RCOR2: variants seen among roughly 807,000 people sequenced by gnomAD.
RCOR2 encodes REST corepressor 2.
Under a neutral mutation model 58.9 loss-of-function variants are expected in RCOR2, and 19 were observed. The ratio of observed to expected loss-of-function variants is 0.32; its 90% confidence interval spans 0.23 to 0.47. The LOEUF (loss-of-function observed/expected upper bound fraction) is 0.47. RCOR2 is among the 20% of genes least tolerant of loss of function. RCOR2 has a pLI of 1.00. For missense variants in RCOR2, 590 were observed against 707.9 expected (o/e 0.83, Z 1.89); for synonymous variants, 286 against 278.7 (o/e 1.03, Z -0.26).
At position 63,915,583 on chromosome 11, in the gene RCOR2, G is replaced by A; in HGVS notation, c.156C>T (p.Tyr52=). ...HDSMIRVGTN[Y]QAVIPECKPE... Reference sequence around the variant, plus strand: ...GCTTGCACTCCGGAATTACGGCCTGGTAATTGGTTCCAACGCGGATCATGC... The same window carrying A: ...GCTTGCACTCCGGAATTACGGCCTGATAATTGGTTCCAACGCGGATCATGC... Residue 52 remains tyrosine (Y), a synonymous_variant, in exon 2 of 12, where the codon TAC becomes TAT. Coordinates refer to ENST00000301459, the MANE Select transcript of RCOR2 (RefSeq NM_173587.4). 1.5e-6 allele frequency: 2 copies of A among 1,337,624 alleles called. No homozygotes were observed. Among genetic ancestry groups the A allele is most frequent in the African/African-American group, 1.6e-5 (1 of 63,456 alleles). The allele number at this position is 1,337,624 out of a possible 1,614,324, so 82.9% of individuals were successfully genotyped here.
In RCOR2 at chr11:63,916,630, C is replaced by T; in HGVS notation, c.-174G>A. On this transcript the variant is annotated 5_prime_UTR_variant, in exon 1 of 12. Coordinates refer to ENST00000301459, the MANE Select transcript of RCOR2 (RefSeq NM_173587.4). The stretch of plus-strand genomic sequence containing the variant: ...CGGGGTGGGAGCCCACCTGGTAGCC[C>T]CAGCGCTCTCCACGACCCCCACGAG... The T allele has an allele frequency of 8.9e-7, 1 of 1,118,340 alleles. No homozygotes were observed. 69.3% of individuals were successfully genotyped at this position (1,118,340 alleles called of 1,614,324 possible).
Position 63,914,949 on chromosome 11 carries a change from T to C in RCOR2, c.271A>G (p.Lys91Glu). The change falls in exon 4 of 12, where the codon AAG becomes GAG. Residue 91 changes from lysine (K) to glutamate (E), a missense_variant. Physicochemically the swap from Lys to Glu is moderately conservative, Grantham distance 56. Transcript: ENST00000301459. Reference protein sequence around the residue: ...NHCVSDAKLDKYIAMAKEKHG... With the variant: ...NHCVSDAKLDEYIAMAKEKHG... The stretch of plus-strand genomic sequence containing the variant: ...TTCTCCTTGGCCATCGCAATGTACT[T>C]GTCAACTGCAGGGGCAGCAGGGGCA... 3 of 1,613,894 alleles carry C rather than the reference T, an allele frequency of 1.9e-6. No individual in the cohort carries two copies. The highest frequency in any genetic ancestry group is 1.7e-6 in the Non-Finnish European group (2 of 1,180,002).
chr11:63,913,182 A>ATTTTTTTT (rs1191861588), intron 8 of RCOR2, among the ~76,000 whole-genome samples: 2 of 81,698 alleles, frequency 2.4e-5, no homozygotes, highest in African/African-American at 4.3e-5. Context: ...ATATATATAT[A>ATTTTTTTT]TATTTTTTTT....
Position 63,911,864 on chromosome 11 carries a change from C to A in RCOR2, c.*1G>T. 1 of 1,472,126 alleles carries A rather than the reference C, an allele frequency of 6.8e-7. No individual in the cohort carries two copies. Among genetic ancestry groups the A allele is most frequent in the South Asian group, 1.4e-5 (1 of 73,846 alleles). 91.2% of individuals were successfully genotyped at this position (1,472,126 alleles called of 1,614,324 possible). ...CCGTGGTTGGTGGAGGACGTCAGGG[C>A]TCAGAGTGAGGGTGCTGGGGGCTCC... On this transcript the variant is annotated 3_prime_UTR_variant, in exon 12 of 12. Coordinates refer to ENST00000301459, the MANE Select transcript of RCOR2 (RefSeq NM_173587.4).
At position 63,914,698 on chromosome 11, in the gene RCOR2, G is replaced by T. The variant is rs767244177; in HGVS notation, c.437C>A (p.Ala146Asp). The change falls in exon 5 of 12, where the codon GCC becomes GAC. Residue 146 changes from alanine to aspartate, a missense_variant. By Grantham distance (126) the Ala-to-Asp change is moderately radical. Coordinates refer to ENST00000301459, the MANE Select transcript of RCOR2 (RefSeq NM_173587.4). Reference sequence around the variant, plus strand: ...GAAGCATTTGCCATGGAAGCCAAAGGCCTGTTCAAACAGCACCTTGTCCTC... The same window carrying T: ...GAAGCATTTGCCATGGAAGCCAAAGTCCTGTTCAAACAGCACCTTGTCCTC... The part of the protein sequence containing the change: ...TVEDKVLFEQ[A>D]FGFHGKCFQR... The T allele has an allele frequency of 6.2e-7, 1 of 1,611,924 alleles. No homozygotes were observed. Among genetic ancestry groups the T allele is most frequent in the Non-Finnish European group, 8.5e-7 (1 of 1,178,866 alleles).
chr11:63,921,203 G>C (rs1941913973), upstream of RCOR2, among the ~76,000 whole-genome samples: 1 of 152,186 alleles, frequency 6.6e-6, no homozygotes, highest in Admixed American at 6.5e-5. Context: ...ACTCCATGAG[G>C]GGGAGCCTGC....
rs780309730 is a variant in RCOR2, at chr11:63,913,942, C to T, written c.891+12G>A. 1 of 1,612,966 alleles carries T rather than the reference C, an allele frequency of 6.2e-7. No homozygotes were observed. Among genetic ancestry groups the T allele is most frequent in the Non-Finnish European group, 8.5e-7 (1 of 1,179,538 alleles). Reference sequence around the variant, plus strand: ...CACCTTTGCATAGCCCGTTCATTTCCCAGGGCCCCACCTGGCGCTTGAGGG... The same window carrying T: ...CACCTTTGCATAGCCCGTTCATTTCTCAGGGCCCCACCTGGCGCTTGAGGG... On this transcript the variant is annotated intron_variant, in intron 8 of 11. Coordinates refer to ENST00000301459, the MANE Select transcript of RCOR2 (RefSeq NM_173587.4).
In RCOR2 at chr11:63,914,081, G is replaced by C; in HGVS notation, c.764C>G (p.Thr255Ser). ...CATGCCCTTGGGTGGGCGACGCCGG[G>C]TTCGCAAGGGATGGTGGCGGTACTG... ...VSQYRHHPLR[T>S]RRRPPKGMYL... The change falls in exon 8 of 12, where the codon ACC (threonine) becomes AGC (serine). Residue 255 changes from threonine (T) to serine (S), a missense_variant. Coordinates refer to ENST00000301459, the MANE Select transcript of RCOR2 (RefSeq NM_173587.4). The C allele has an allele frequency of 1.2e-6, 2 of 1,613,984 alleles. No individual in the cohort carries two copies. Among genetic ancestry groups the C allele is most frequent in the Non-Finnish European group, 1.7e-6 (2 of 1,180,026 alleles).
rs746869242 is a variant in RCOR2, at chr11:63,916,386, G to T, written c.71C>A (p.Pro24His). 1.2e-5 allele frequency: 20 copies of T among 1,607,754 alleles called. No homozygotes were observed. In the African/African-American group the frequency reaches 2.7e-4, roughly 21 times the overall value. The change falls in exon 1 of 12, where the codon CCC (proline) becomes CAC (histidine). Residue 24 changes from proline (P) to histidine (H), a missense_variant. Physicochemically the swap from Pro to His is moderately conservative, Grantham distance 77 (BLOSUM62 -2). This residue lies in a region of RCOR2 where 390 missense variants were observed against 478.7 expected (regional missense o/e 0.81). Transcript: ENST00000301459. ...CTCCGAGTGGGGCTGTCCGCCGTTG[G>T]GCACCGTCTTGGCCCGGCTACGGGA... ...ILSRSRAKTV[P>H]NGGQPHSEDD...
In RCOR2 at chr11:63,915,289, C is replaced by T. The variant is rs770617941; in HGVS notation, c.185-31G>A. 8 of 1,540,154 alleles carry T rather than the reference C, an allele frequency of 5.2e-6. No individual in the cohort carries two copies. In the South Asian group the frequency reaches 7.2e-5, roughly 14 times the overall value. On this transcript the variant is annotated intron_variant, in intron 2 of 11. Coordinates refer to ENST00000301459, the MANE Select transcript of RCOR2 (RefSeq NM_173587.4). ...AGGCCGAGGAGCAGGAGGGAAGACA[C>T]TCAGATCAGCCTGGTGGCACAAGCC...
chr11:63,922,329 CTAAT>C, the RCOR2 span, among the ~76,000 whole-genome samples: 3 of 152,170 alleles, frequency 2.0e-5, no homozygotes, highest in Non-Finnish European at 4.4e-5. Flanking sequence ...TCTAATCACT[CTAAT>C]TATACACTAT....
intron 4 of RCOR2, 22 bp from the exon 5 acceptor site, chr11:63,914,838 C>T (rs1438286740): frequency 7.3e-7 from 1 of 1,366,166 alleles, no homozygotes; most frequent in East Asian, 2.3e-5. Context: ...CAAGGGGCAG[C>T]TGAGCCTGAG....
At chr11:63,921,743 G>A (rs766627757), upstream of RCOR2, among the ~76,000 whole-genome samples, 47 of 152,166 alleles carry the variant, frequency 3.1e-4, 1 homozygote, top group Admixed American at 1.1e-3. Context: ...CCCCCAGCAG[G>A]GCCCCCTCTG....
chr11:63,914,218 C>T (rs1276496066), intron 7 of RCOR2, 43 bp downstream of exon 7: 2 of 1,613,248 alleles, frequency 1.2e-6, no homozygotes, highest in Non-Finnish European at 1.7e-6. Flanking sequence ...CAGAGAGAGG[C>T]AAGAGGACAG....
chr11:63,916,237 G>GT (rs1202665449), intron 1 of RCOR2, 93 bp downstream of exon 1: 5 of 1,164,632 alleles, frequency 4.3e-6, no homozygotes, highest in Non-Finnish European at 6.1e-6. Flanking sequence ...AGCCATCAGT[G>GT]TAACAGGCTC....
rs541037411 is a variant in RCOR2, at chr11:63,912,247, G to A, written c.1257+58C>T. The stretch of plus-strand genomic sequence containing the variant: ...CTCAGCCCAGTCTAAGGACCAAGGC[G>A]GCGCCTCACCTCGCCTCGCCTCTCC... On this transcript the variant is annotated intron_variant, in intron 11 of 11. Coordinates refer to ENST00000301459, the MANE Select transcript of RCOR2 (RefSeq NM_173587.4). 1.2e-4 allele frequency: 191 copies of A among 1,597,796 alleles called. 2 individuals are homozygous for A. In the South Asian group the frequency reaches 1.8e-3, roughly 15 times the overall value.
intron 3 of RCOR2, 72 bp from the exon 4 acceptor site, chr11:63,915,026 G>C: frequency 6.3e-7 from 1 of 1,594,074 alleles, no homozygotes; most frequent in Non-Finnish European, 8.6e-7. Context: ...TCCAGAAAGG[G>C]ACCACCCCAC....
Position 63,912,157 on chromosome 11 carries a change from G to A in RCOR2, c.1280C>T (p.Thr427Met), listed in dbSNP as rs899447042. The A allele has an allele frequency of 5.8e-6, 9 of 1,543,718 alleles. No homozygotes were observed. Among genetic ancestry groups the A allele is most frequent in the African/African-American group, 2.7e-5 (2 of 72,792 alleles). Residue 427 changes from threonine (T) to methionine (M), a missense_variant, in exon 12 of 12, where the codon ACG becomes ATG. Thr to Met is a moderately conservative substitution (Grantham distance 81, BLOSUM62 -1). Around this residue, in one of 3 missense-constraint regions of RCOR2, gnomAD observed 196 missense variants for 210.7 expected, o/e 0.93. Transcript: ENST00000301459. ...DDEVQITSVSTSVPRSVPPAP... is the reference protein window; with the variant it reads ...DDEVQITSVSMSVPRSVPPAP... Reference sequence around the variant, plus strand: ...AGGGGGCACTGATCGGGGCACGGACGTGGAGACCGATGTAATCTGGACCTG... The same window carrying A: ...AGGGGGCACTGATCGGGGCACGGACATGGAGACCGATGTAATCTGGACCTG...
Position 63,916,515 on chromosome 11 carries a change from G to T in RCOR2, c.-59C>A, listed in dbSNP as rs527568376. The T allele has an allele frequency of 1.9e-6, 3 of 1,549,328 alleles. No individual in the cohort carries two copies. Among genetic ancestry groups the T allele is most frequent in the Admixed American group, 3.8e-5 (2 of 53,130 alleles). ...CCTTCGGAGAGCGACAGTGGTTGCCGCACTCGCTCCGAGTGCCGAGCCCGG... is the reference window on the plus strand; with the variant it reads ...CCTTCGGAGAGCGACAGTGGTTGCCTCACTCGCTCCGAGTGCCGAGCCCGG... On this transcript the variant is annotated 5_prime_UTR_variant, in exon 1 of 12. Transcript: ENST00000301459.
Sources: gnomAD v4.1 joint callset for allele counts (sites outside exome capture counted in the v4.1 genomes callset) on GRCh38, gnomAD v4.1.1 for gene constraint, gnomAD v4.1.1 regional missense constraint, MANE v1.5 for transcripts, NCBI Gene and HGNC (gene_info 2026-07-23, HGNC 2026-07-21) for gene names.